The following SCHIP1 variants were observed in gnomAD, a reference collection of about 807,000 sequenced individuals.
SCHIP1 encodes the protein schwannomin-interacting protein 1.
SCHIP1 carries 8 observed loss-of-function variants against 29.7 expected under a neutral mutation model. The ratio of observed to expected loss-of-function variants is 0.27; its 90% CI spans 0.16 to 0.49. The LOEUF (loss-of-function observed/expected upper bound fraction) is 0.49, where lower values mean the gene tolerates loss of function less well. SCHIP1 is among the 20% of genes least tolerant of loss of function. SCHIP1 has a pLI of 0.99. For missense variants in SCHIP1, 193 were observed against 294.6 expected, an observed-to-expected ratio of 0.66 and a Z score of 2.52; for synonymous variants, 76 against 94.9, an observed-to-expected ratio of 0.80 and a Z score of 1.16.
the SCHIP1 span, among the ~76,000 whole-genome samples, chr3:159,458,880 A>G: frequency 6.6e-6 from 1 of 152,222 alleles, no homozygotes; most frequent in African/African-American, 2.4e-5. Flanking sequence ...CATATTTGCT[A>G]GAAAGTACAG....
At chr3:159,621,720 C>A in the SCHIP1 span, among the ~76,000 whole-genome samples, 1 of 151,692 alleles carries the variant, frequency 6.6e-6, no homozygotes, top group African/African-American at 2.4e-5. Context: ...GGTTGGAGTA[C>A]AATGGTATGA....
chr3:159,810,106 C>T, the SCHIP1 span, among the ~76,000 whole-genome samples: 3 of 152,192 alleles, frequency 2.0e-5, no homozygotes, highest in Admixed American at 6.5e-5. Flanking sequence ...AGTGCAGTGG[C>T]GTGATCTCAG....
At chr3:159,610,435 A>G in the SCHIP1 span, among the ~76,000 whole-genome samples, 1 of 152,120 alleles carries the variant, frequency 6.6e-6, no homozygotes, top group Non-Finnish European at 1.5e-5. Context: ...TTTTTTTCCA[A>G]GTCGGATTCA....
the SCHIP1 span, among the ~76,000 whole-genome samples, chr3:159,705,432 C>A: frequency 6.6e-6 from 1 of 152,006 alleles, no homozygotes; most frequent in South Asian, 2.1e-4. Context: ...AACCAAAGCA[C>A]CATCTTGAGG....
the SCHIP1 span, among the ~76,000 whole-genome samples, chr3:159,668,625 A>G: frequency 6.6e-6 from 1 of 152,136 alleles, no homozygotes; most frequent in Non-Finnish European, 1.5e-5. Flanking sequence ...GACCTGGCAC[A>G]CTGGGCCTCT....
chr3:159,879,046 C>T (rs920123672), intron 2 of SCHIP1, among the ~76,000 whole-genome samples: 8 of 151,274 alleles, frequency 5.3e-5, no homozygotes, highest in East Asian at 1.9e-4. Context: ...ACTTAACAGT[C>T]GGAAACTTTC....
the SCHIP1 span, among the ~76,000 whole-genome samples, chr3:159,302,722 C>T: frequency 1.3e-5 from 2 of 152,156 alleles, no homozygotes; most frequent in Admixed American, 6.5e-5. Flanking sequence ...TCCTTAAGCA[C>T]CTGCTACAAG....
chr3:159,287,405 C>A, the SCHIP1 span, among the ~76,000 whole-genome samples: 2 of 151,678 alleles, frequency 1.3e-5, no homozygotes, highest in Non-Finnish European at 2.9e-5. Context: ...TTTAGCTGGG[C>A]TGGGTATAAA....
chr3:159,290,586 ATTGT>A, the SCHIP1 span, among the ~76,000 whole-genome samples: 222 of 152,258 alleles, frequency 1.5e-3, no homozygotes, highest in African/African-American at 5.2e-3. Context: ...AATGAATCTA[ATTGT>A]TTGTGCCATA....
chr3:159,315,623 T>G, the SCHIP1 span, among the ~76,000 whole-genome samples: 1 of 152,072 alleles, frequency 6.6e-6, no homozygotes, highest in Non-Finnish European at 1.5e-5. Context: ...AACCATAGCC[T>G]AAGTATAAAT....
the SCHIP1 span, among the ~76,000 whole-genome samples, chr3:159,338,064 T>A: frequency 6.6e-6 from 1 of 152,310 alleles, no homozygotes; most frequent in African/African-American, 2.4e-5. Flanking sequence ...TCAACAAATA[T>A]TTGCTGAGTT....
chr3:159,720,832 G>T, the SCHIP1 span, among the ~76,000 whole-genome samples: 1 of 152,120 alleles, frequency 6.6e-6, no homozygotes, highest in Non-Finnish European at 1.5e-5. Context: ...TGATCTGCCC[G>T]CCTCTGCCTA....
chr3:159,483,661 G>A, the SCHIP1 span, among the ~76,000 whole-genome samples: 2 of 152,128 alleles, frequency 1.3e-5, no homozygotes, highest in Non-Finnish European at 2.9e-5. Flanking sequence ...TCAGAATTAA[G>A]TGGAAATGAA....
At chr3:159,664,629 G>A in the SCHIP1 span, among the ~76,000 whole-genome samples, 1 of 152,212 alleles carries the variant, frequency 6.6e-6, no homozygotes. Flanking sequence ...TGAAACATGT[G>A]TTGCCACATC....
chr3:159,673,951 C>G, the SCHIP1 span, among the ~76,000 whole-genome samples: 3 of 152,178 alleles, frequency 2.0e-5, no homozygotes, highest in African/African-American at 7.2e-5. Flanking sequence ...GCTCTCTCCT[C>G]CTGCAGTTCC....
the SCHIP1 span, among the ~76,000 whole-genome samples, chr3:159,834,184 T>C: frequency 6.6e-6 from 1 of 152,226 alleles, no homozygotes; most frequent in Non-Finnish European, 1.5e-5. Flanking sequence ...GAGAACCAGG[T>C]ACTATGTCAG....
the SCHIP1 span, among the ~76,000 whole-genome samples, chr3:159,334,522 A>T: frequency 1.3e-5 from 2 of 152,196 alleles, no homozygotes; most frequent in South Asian, 2.1e-4. Flanking sequence ...CCACCACAAC[A>T]GGTATATAGA....
chr3:159,607,912 G>C, the SCHIP1 span, among the ~76,000 whole-genome samples: 1 of 152,202 alleles, frequency 6.6e-6, no homozygotes, highest in Non-Finnish European at 1.5e-5. Flanking sequence ...AGTGCCACTT[G>C]TGGCTTAGCA....
the SCHIP1 span, among the ~76,000 whole-genome samples, chr3:159,639,185 GATCAA>G: frequency 1.3e-5 from 2 of 152,098 alleles, no homozygotes; most frequent in Non-Finnish European, 2.9e-5. Context: ...GCACATATCA[GATCAA>G]ATCATTATTG....
Sources: allele counts gnomAD v4.1 joint callset (sites outside exome capture counted in the v4.1 genomes callset), GRCh38; gene constraint gnomAD v4.1.1; transcripts MANE v1.5; gene names NCBI Gene and HGNC (gene_info 2026-07-23, HGNC 2026-07-21).